FAM241B: variants seen among roughly 807,000 people sequenced by gnomAD.
FAM241B encodes protein FAM241B.
Under a neutral mutation model 9.3 loss-of-function variants are expected in FAM241B, and 7 were observed. The observed-to-expected ratio is 0.75, with a 90% CI of 0.43 to 1.41. The LOEUF is 1.41. Among genes scored for constraint, FAM241B ranks in the 40% most tolerant of loss-of-function variants. FAM241B has a pLI of 0.01. For missense variants in FAM241B, 136 were observed against 159.6 expected, an observed-to-expected ratio of 0.85 and a Z score of 0.80; for synonymous variants, 60 against 64.1, an observed-to-expected ratio of 0.94 and a Z score of 0.31.
At chr10:69,632,720 A>C in intron 3 of FAM241B, 70 bp from the exon 4 acceptor site, 3 of 1,538,600 alleles carry the variant, frequency 1.9e-6, no homozygotes, top group Non-Finnish European at 2.6e-6. Context: ...GATGCAGCCT[A>C]GAGAGGTTGA....
Position 69,631,692 on chromosome 10 carries a change from C to A in FAM241B, c.-35-17C>A, listed in dbSNP as rs1257842317. On this transcript the variant is annotated splice_polypyrimidine_tract_variant and intron_variant, in intron 2 of 3. Transcript: ENST00000373279. ...CTTGGCTTCCATTAGCCTGCCCACCCTGACCACACAATGCAGGTGCAGCCC... is the reference window on the plus strand; with the variant it reads ...CTTGGCTTCCATTAGCCTGCCCACCATGACCACACAATGCAGGTGCAGCCC... 10 of 1,592,842 alleles carry A rather than the reference C, an allele frequency of 6.3e-6. No individual in the cohort carries two copies. Among genetic ancestry groups the A allele is most frequent in the Non-Finnish European group, 8.5e-6 (10 of 1,170,490 alleles).
At chr10:69,630,886 G>C (rs1297180635) in intron 1 of FAM241B, among the ~76,000 whole-genome samples, 2 of 152,134 alleles carry the variant, frequency 1.3e-5, no homozygotes, top group Non-Finnish European at 2.9e-5. Context: ...CGTGCCCTCT[G>C]CAGCAAAGGT....
intron 1 of FAM241B, chr10:69,630,594 G>A: frequency 7.9e-7 from 1 of 1,268,494 alleles, no homozygotes. Flanking sequence ...CGGGCTCCAG[G>A]CTACGGGCAA....
At chr10:69,632,188 C>T (rs1420811081) in intron 3 of FAM241B, among the ~76,000 whole-genome samples, 5 of 152,060 alleles carry the variant, frequency 3.3e-5, no homozygotes, top group Non-Finnish European at 5.9e-5. Flanking sequence ...TGGCTGGGCG[C>T]GGTGGCTCAC....
chr10:69,631,781 A>AT lies in FAM241B; in HGVS notation c.39dup (p.Asp14Ter). ...TTGGCCAATGGGGAAATCGTGCAGGATGACGACCCCCGAGTGAGGACCACT... is the reference window on the plus strand; with the variant it reads ...TTGGCCAATGGGGAAATCGTGCAGGATTGACGACCCCCGAGTGAGGACCACT... On this transcript the variant is annotated frameshift_variant, in exon 3 of 4. Coordinates refer to ENST00000373279, the MANE Select transcript of FAM241B (RefSeq NM_145306.3). LOFTEE classifies it high-confidence loss of function. 6.2e-7 allele frequency: 1 copy of AT among 1,613,454 alleles called. No homozygotes were observed. The highest frequency in any genetic ancestry group is 8.5e-7 in the Non-Finnish European group (1 of 1,179,888).
In FAM241B at chr10:69,633,345, C is replaced by A; in HGVS notation, c.*286C>A. The A allele has an allele frequency of 2.1e-6, 1 of 483,160 alleles. No individual in the cohort carries two copies. Among genetic ancestry groups the A allele is most frequent in the Non-Finnish European group, 3.7e-6 (1 of 268,610 alleles). 29.9% of individuals were successfully genotyped at this position (483,160 alleles called of 1,614,324 possible). On this transcript the variant is annotated 3_prime_UTR_variant, in exon 4 of 4. Transcript: ENST00000373279. ...CAAGAAAGCGATGCCCTTCCCAATT[C>A]TCTCAATCCTTTTATGCCGAGAAGA...
Position 69,632,850 on chromosome 10 carries a change from GC to G in FAM241B, c.158del (p.Ala53GlufsTer20), listed in dbSNP as rs762673754. 10 of 1,614,216 alleles carry G rather than the reference GC, an allele frequency of 6.2e-6. No homozygotes were observed. Among genetic ancestry groups the G allele is most frequent in the Non-Finnish European group, 7.6e-6 (9 of 1,180,040 alleles). ...PGGPGPRQQQ[A>X]GARLGAAQSP... ...GGGTCCTGGCCCCCGCCAGCAGCAG[GC>G]AGGTGCCAGGCTGGGTGCTGCTCAG... On this transcript the variant is annotated frameshift_variant, in exon 4 of 4. Coordinates refer to ENST00000373279, the MANE Select transcript of FAM241B (RefSeq NM_145306.3). LOFTEE classifies it high-confidence loss of function.
Position 69,633,369 on chromosome 10 carries a change from G to A in FAM241B, c.*310G>A. ...TCTCTCAATCCTTTTATGCCGAGAA[G>A]ATCTCAGCTGGATGCCAACATGTTC... On this transcript the variant is annotated 3_prime_UTR_variant, in exon 4 of 4. Transcript: ENST00000373279. 2 of 410,636 alleles carry A rather than the reference G, an allele frequency of 4.9e-6. No individual in the cohort carries two copies. The highest frequency in any genetic ancestry group is 4.4e-6 in the Non-Finnish European group (1 of 225,406). The allele number at this position is 410,636 out of a possible 1,614,324, so 25.4% of individuals were successfully genotyped here.
intron 3 of FAM241B, 83 bp downstream of exon 3, chr10:69,631,922 G>C: frequency 6.5e-7 from 1 of 1,531,142 alleles, no homozygotes; most frequent in Middle Eastern, 1.7e-4. Flanking sequence ...TCTCTTGCTG[G>C]TCACTAACCT....
intron 3 of FAM241B, among the ~76,000 whole-genome samples, chr10:69,632,175 G>C (rs980630844): frequency 2.0e-5 from 3 of 152,042 alleles, no homozygotes; most frequent in Non-Finnish European, 4.4e-5. Context: ...CATTTTAAAG[G>C]GGTGGCTGGG....
chr10:69,631,373 T>C (rs942669337), intron 1 of FAM241B, 107 bp from the exon 2 acceptor site: 1 of 949,450 alleles, frequency 1.1e-6, no homozygotes, highest in African/African-American at 1.7e-5. Flanking sequence ...GCAGTAAAAC[T>C]TCCTTTGCCA....
chr10:69,631,941 C>G, intron 3 of FAM241B, 102 bp downstream of exon 3: 1 of 1,227,392 alleles, frequency 8.1e-7, no homozygotes, highest in Non-Finnish European at 1.1e-6. Flanking sequence ...CTTTTCTAGC[C>G]TGAAGCCCTC....
At chr10:69,632,587 G>A (rs913683022) in intron 3 of FAM241B, among the ~76,000 whole-genome samples, 6 of 152,156 alleles carry the variant, frequency 3.9e-5, no homozygotes, top group Admixed American at 2.0e-4. Context: ...CTGATGTGAG[G>A]AATATAGACT....
chr10:69,632,047 T>C (rs1839834898), intron 3 of FAM241B, among the ~76,000 whole-genome samples: 1 of 152,172 alleles, frequency 6.6e-6, no homozygotes, highest in Non-Finnish European at 1.5e-5. Context: ...CCAAGAGCTC[T>C]CTCTCCTTTA....
intron 3 of FAM241B, 75 bp downstream of exon 3, chr10:69,631,914 T>C (rs565149666): frequency 6.5e-7 from 1 of 1,541,134 alleles, no homozygotes; most frequent in Admixed American, 2.0e-5. Context: ...CAGAAGTCTC[T>C]CTTGCTGGTC....
chr10:69,633,153 T>C lies in FAM241B; in HGVS notation c.*94T>C. 3 of 1,520,938 alleles carry C rather than the reference T, an allele frequency of 2.0e-6. No homozygotes were observed. Among genetic ancestry groups the C allele is most frequent in the South Asian group, 2.5e-5 (2 of 81,574 alleles). 94.2% of individuals were successfully genotyped at this position (1,520,938 alleles called of 1,614,324 possible). On this transcript the variant is annotated 3_prime_UTR_variant, in exon 4 of 4. Transcript: ENST00000373279. ...ATTTGGAGGGGATCTGGTGGTGCCTTGAAGGTATGATCAGAGAGGGGACCA... is the reference window on the plus strand; with the variant it reads ...ATTTGGAGGGGATCTGGTGGTGCCTCGAAGGTATGATCAGAGAGGGGACCA...
chr10:69,633,229 G>C lies in FAM241B; in HGVS notation c.*170G>C. ...AAGCGTGAGGCAGAGGGAGACGTTA[G>C]TCCAGCATTTCCAAAGTGTGGGTGG... On this transcript the variant is annotated 3_prime_UTR_variant, in exon 4 of 4. Coordinates refer to ENST00000373279, the MANE Select transcript of FAM241B (RefSeq NM_145306.3). 1 of 1,005,880 alleles carries C rather than the reference G, an allele frequency of 9.9e-7. No individual in the cohort carries two copies. Among genetic ancestry groups the C allele is most frequent in the Non-Finnish European group, 1.4e-6 (1 of 690,324 alleles). 62.3% of individuals were successfully genotyped at this position (1,005,880 alleles called of 1,614,324 possible).
At chr10:69,632,420 T>C (rs1211630023) in intron 3 of FAM241B, among the ~76,000 whole-genome samples, 2 of 141,970 alleles carry the variant, frequency 1.4e-5, no homozygotes, top group Non-Finnish European at 3.0e-5. Context: ...ATCGCGCCAT[T>C]GCACTCCAGC....
intron 3 of FAM241B, 87 bp downstream of exon 3, chr10:69,631,926 C>G: frequency 1.3e-6 from 2 of 1,521,012 alleles, no homozygotes; most frequent in Middle Eastern, 1.7e-4. Flanking sequence ...TTGCTGGTCA[C>G]TAACCTTTTC....
Sources: gnomAD v4.1 joint callset for allele counts (sites outside exome capture counted in the v4.1 genomes callset) on GRCh38, gnomAD v4.1.1 for gene constraint, MANE v1.5 for transcripts, NCBI Gene and HGNC (gene_info 2026-07-23, HGNC 2026-07-21) for gene names.